XPR1: variants seen among roughly 807,000 people sequenced by gnomAD.
XPR1 encodes the protein xenotropic and polytropic retrovirus receptor 1.
In XPR1, 28 loss-of-function variants were observed where a neutral mutation model predicts 87.5. That is an observed-to-expected ratio of 0.32 (90% CI 0.24 to 0.44). XPR1 has a LOEUF of 0.44. XPR1 is among the 20% of genes least tolerant of loss of function. XPR1 has a pLI of 1.00. For missense variants in XPR1, 559 were observed against 862.3 expected (o/e 0.65, Z 4.41); for synonymous variants, 300 against 306.1 (o/e 0.98, Z 0.21).
At chr1:180,759,728 C>G (rs1166618347) in intron 2 of XPR1, among the ~76,000 whole-genome samples, 2 of 152,130 alleles carry the variant, frequency 1.3e-5, no homozygotes, top group East Asian at 3.9e-4. Context: ...CTATTCCAAT[C>G]AATAGAAAAA....
At chr1:180,667,661 G>A (rs1656007459) in intron 1 of XPR1, among the ~76,000 whole-genome samples, 1 of 152,164 alleles carries the variant, frequency 6.6e-6, no homozygotes, top group South Asian at 2.1e-4. Flanking sequence ...TTTTGGAAAA[G>A]TTTGGGAAGG....
At chr1:180,773,190 A>T (rs1411518576) in intron 2 of XPR1, among the ~76,000 whole-genome samples, 1 of 152,180 alleles carries the variant, frequency 6.6e-6, no homozygotes, top group Non-Finnish European at 1.5e-5. Context: ...CTAGGGAGAA[A>T]ATGTGACTAT....
intron 2 of XPR1, among the ~76,000 whole-genome samples, chr1:180,711,749 G>GT (rs1008317885): frequency 6.6e-6 from 1 of 152,170 alleles, no homozygotes; most frequent in African/African-American, 2.4e-5. Context: ...TGTGGATTAT[G>GT]TTTTTGGTCA....
chr1:180,654,153 TAAC>T (rs1655375177), intron 1 of XPR1, among the ~76,000 whole-genome samples: 1 of 152,116 alleles, frequency 6.6e-6, no homozygotes, highest in Non-Finnish European at 1.5e-5. Context: ...CAATAAATGT[TAAC>T]TATTATTAGT....
intron 2 of XPR1, among the ~76,000 whole-genome samples, chr1:180,687,782 A>G (rs1353978513): frequency 2.0e-5 from 3 of 152,018 alleles, no homozygotes; most frequent in Admixed American, 6.6e-5. Flanking sequence ...AGGAAGTGCT[A>G]ATATTCTGAA....
At chr1:180,654,590 T>C (rs1655393307) in intron 1 of XPR1, among the ~76,000 whole-genome samples, 1 of 152,182 alleles carries the variant, frequency 6.6e-6, no homozygotes, top group South Asian at 2.1e-4. Flanking sequence ...CTCTAGTTCC[T>C]GGCAACCACC....
At chr1:180,723,768 A>G (rs1295521788) in intron 2 of XPR1, among the ~76,000 whole-genome samples, 1 of 152,138 alleles carries the variant, frequency 6.6e-6, no homozygotes, top group Non-Finnish European at 1.5e-5. Context: ...TTTTTATTAT[A>G]TTGAATTAAC....
intron 2 of XPR1, among the ~76,000 whole-genome samples, chr1:180,683,253 A>G (rs1426549028): frequency 6.6e-6 from 1 of 151,824 alleles, no homozygotes; most frequent in Non-Finnish European, 1.5e-5. Context: ...GCTGAGAATG[A>G]TGGTTTCCAG....
intron 11 of XPR1, among the ~76,000 whole-genome samples, chr1:180,851,686 T>C (rs765746894): frequency 5.9e-5 from 9 of 152,126 alleles, no homozygotes; most frequent in Non-Finnish European, 1.3e-4. Flanking sequence ...AAAATAAGCC[T>C]AGACACACAT....
At chr1:180,829,442 T>A (rs1650977331) in intron 9 of XPR1, among the ~76,000 whole-genome samples, 1 of 152,198 alleles carries the variant, frequency 6.6e-6, no homozygotes, top group Admixed American at 6.5e-5. Flanking sequence ...CAGAAGGCGA[T>A]ATCAGATAAA....
intron 1 of XPR1, among the ~76,000 whole-genome samples, chr1:180,662,465 A>G (rs765909110): frequency 4.6e-5 from 7 of 152,282 alleles, no homozygotes; most frequent in Admixed American, 6.5e-5. Flanking sequence ...CTTGGTCTGT[A>G]AGGTTTCCAC....
chr1:180,702,449 A>C (rs1260107241), intron 2 of XPR1, among the ~76,000 whole-genome samples: 2 of 151,698 alleles, frequency 1.3e-5, no homozygotes, highest in Admixed American at 1.3e-4. Flanking sequence ...GATGTCTATT[A>C]GGTCTGCTTG....
intron 2 of XPR1, among the ~76,000 whole-genome samples, chr1:180,706,006 C>T (rs749805944): frequency 4.6e-5 from 7 of 152,070 alleles, no homozygotes; most frequent in South Asian, 2.1e-4. Flanking sequence ...AGCAACAAGA[C>T]GAAACCAAAA....
intron 9 of XPR1, among the ~76,000 whole-genome samples, chr1:180,828,032 G>A (rs538174270): frequency 2.6e-5 from 4 of 151,922 alleles, no homozygotes; most frequent in South Asian, 2.1e-4. Context: ...GTGTGCCAAC[G>A]TGCCTGGCCA....
At chr1:180,658,038 A>T (rs779840665) in intron 1 of XPR1, among the ~76,000 whole-genome samples, 1 of 151,980 alleles carries the variant, frequency 6.6e-6, no homozygotes, top group African/African-American at 2.4e-5. Flanking sequence ...ATTTAATTTT[A>T]TTTGTAGCTA....
intron 2 of XPR1, among the ~76,000 whole-genome samples, chr1:180,724,053 A>G (rs1459910185): frequency 6.6e-6 from 1 of 152,194 alleles, no homozygotes. Flanking sequence ...TTACATCCCA[A>G]TTTCTGGAGA....
intron 7 of XPR1, among the ~76,000 whole-genome samples, chr1:180,817,339 A>G (rs181548207): frequency 1.4e-4 from 22 of 152,304 alleles, no homozygotes; most frequent in Admixed American, 1.2e-3. Context: ...CTAAGTGTAC[A>G]ATGTGTATAA....
At chr1:180,638,001 C>T (rs1654843658) in intron 1 of XPR1, among the ~76,000 whole-genome samples, 1 of 151,956 alleles carries the variant, frequency 6.6e-6, no homozygotes, top group Non-Finnish European at 1.5e-5. Flanking sequence ...CAAATGAATC[C>T]TGAACTTTGA....
intron 2 of XPR1, among the ~76,000 whole-genome samples, chr1:180,691,751 C>T (rs7541650): frequency 0.54 from 82,333 of 151,854 alleles, 23,275 homozygotes; most frequent in Non-Finnish European, 0.62. Flanking sequence ...GATGAAAGTG[C>T]GCTTGTAAAT....
Sources: allele counts gnomAD v4.1 joint callset (sites outside exome capture counted in the v4.1 genomes callset), GRCh38; gene constraint gnomAD v4.1.1; transcripts MANE v1.5; gene names NCBI Gene and HGNC (gene_info 2026-07-23, HGNC 2026-07-21).